SLC14A2: variants seen among roughly 807,000 people sequenced by gnomAD.
SLC14A2 encodes the protein solute carrier family 14 member 2.
In SLC14A2, 91 loss-of-function variants were observed where a neutral mutation model predicts 104.6. That is an observed-to-expected ratio of 0.87 (90% CI 0.73 to 1.04). The LOEUF is 1.04. Ranked by LOEUF, SLC14A2 falls within the 50% of genes least tolerant of loss-of-function variation. The pLI is 0.00. For synonymous variants in SLC14A2, 476 were observed against 466.4 expected (o/e 1.02, Z -0.27); for missense variants, 1,189 against 1,156.0 (o/e 1.03, Z -0.41).
intron 2 of SLC14A2, among the ~76,000 whole-genome samples, chr18:45,578,763 C>T (rs894364059): frequency 1.3e-5 from 2 of 152,342 alleles, no homozygotes; most frequent in Admixed American, 6.5e-5. Flanking sequence ...ATAATTATTA[C>T]TCCTGTCCTT....
At chr18:45,615,923 T>A (rs71356502) in intron 1 of SLC14A2, among the ~76,000 whole-genome samples, 4,624 of 151,978 alleles carry the variant, frequency 0.03, 90 homozygotes, top group Non-Finnish European at 0.046. Flanking sequence ...GAGGTCACCA[T>A]GCTCCTAAGA....
At chr18:45,499,959 G>A (rs1176779484) in intron 2 of SLC14A2, among the ~76,000 whole-genome samples, 1 of 152,198 alleles carries the variant, frequency 6.6e-6, no homozygotes, top group Non-Finnish European at 1.5e-5. Flanking sequence ...AACAGAGTGA[G>A]CCTGCTCTGA....
intron 1 of SLC14A2, among the ~76,000 whole-genome samples, chr18:45,453,978 G>A (rs1050986886): frequency 6.7e-6 from 1 of 149,674 alleles, no homozygotes; most frequent in Non-Finnish European, 1.5e-5. Flanking sequence ...TTCTGCCTCA[G>A]CCTCCCGAGT....
At chr18:45,410,599 T>C (rs2086204649) in intron 1 of SLC14A2, among the ~76,000 whole-genome samples, 1 of 152,188 alleles carries the variant, frequency 6.6e-6, no homozygotes, top group African/African-American at 2.4e-5. Flanking sequence ...TACTTAAGTA[T>C]ACAGGTGTAT....
intron 1 of SLC14A2, among the ~76,000 whole-genome samples, chr18:45,356,807 C>T (rs1242063980): frequency 6.6e-6 from 1 of 152,302 alleles, no homozygotes; most frequent in Non-Finnish European, 1.5e-5. Context: ...GCAATAGTTT[C>T]CTAAATGATT....
chr18:45,250,359 C>T (rs1004308937), intron 1 of SLC14A2, among the ~76,000 whole-genome samples: 3 of 152,084 alleles, frequency 2.0e-5, no homozygotes, highest in East Asian at 1.9e-4. Flanking sequence ...ATTTTAATCT[C>T]GTTTTATTCC....
At chr18:45,242,739 C>T (rs751064974) in intron 1 of SLC14A2, among the ~76,000 whole-genome samples, 5 of 152,198 alleles carry the variant, frequency 3.3e-5, no homozygotes, top group Non-Finnish European at 1.5e-5. Context: ...TAGCCTAAAC[C>T]TGCAGGTTCT....
At chr18:45,458,512 A>G (rs1166871008) in intron 1 of SLC14A2, among the ~76,000 whole-genome samples, 1 of 152,090 alleles carries the variant, frequency 6.6e-6, no homozygotes, top group Non-Finnish European at 1.5e-5. Context: ...CTACTCCCAC[A>G]CTTAAAAGTC....
At chr18:45,348,020 ACATGGTAAG>A (rs2085466545) in intron 1 of SLC14A2, among the ~76,000 whole-genome samples, 1 of 152,236 alleles carries the variant, frequency 6.6e-6, no homozygotes, top group Admixed American at 6.5e-5. Context: ...GGTGGACAGC[ACATGGTAAG>A]CACGAAGTGG....
chr18:45,596,321 G>T (rs1482027679), intron 2 of SLC14A2, among the ~76,000 whole-genome samples: 1 of 152,214 alleles, frequency 6.6e-6, no homozygotes, highest in Non-Finnish European at 1.5e-5. Flanking sequence ...GCTTGAATTT[G>T]GTTAATGGAG....
At chr18:45,189,533 AAGTAGAGT>A in the SLC14A2 span, among the ~76,000 whole-genome samples, 3 of 152,172 alleles carry the variant, frequency 2.0e-5, no homozygotes, top group Admixed American at 1.3e-4. Flanking sequence ...AAGTATGAAA[AAGTAGAGT>A]AGAATGATTG....
At chr18:45,540,840 C>A (rs1396803482) in intron 2 of SLC14A2, among the ~76,000 whole-genome samples, 1 of 152,136 alleles carries the variant, frequency 6.6e-6, no homozygotes, top group Admixed American at 6.5e-5. Flanking sequence ...CTCTTGCCAC[C>A]TGGCACAGGG....
chr18:45,301,565 T>C (rs1462453483), intron 1 of SLC14A2, among the ~76,000 whole-genome samples: 1 of 152,314 alleles, frequency 6.6e-6, no homozygotes, highest in East Asian at 1.9e-4. Context: ...AACTGGTTAT[T>C]GGCATCACAG....
chr18:45,260,942 G>A (rs1165129674), intron 1 of SLC14A2, among the ~76,000 whole-genome samples: 2 of 152,010 alleles, frequency 1.3e-5, no homozygotes, highest in African/African-American at 4.8e-5. Flanking sequence ...TCAGCATCGT[G>A]CAATATACCC....
rs1196862225 is a variant in SLC14A2 at position 45,236,369 on chromosome 18, ATG to A, written c.-125+23182_-125+23183del. ...TATATATACATGTATGTGTGTATAT[ATG>A]TGTATATATACATGTATGTGTGTAT... On this transcript the variant is annotated intron_variant, in intron 1 of 20. Transcript: ENST00000586448. 1.9e-3 allele frequency among the ~76,000 whole-genome samples: 38 copies of A among 19,796 alleles called. 3 individuals are homozygous for A. The highest frequency in any genetic ancestry group is 2.1e-3 in the Non-Finnish European group (28 of 13,274). The allele number at this position is 19,796 out of a possible 152,430, so 13.0% of individuals were successfully genotyped here.
rs142411985 is a variant in SLC14A2, at chr18:45,551,454, T to C, written c.-35+68132T>C. ...TGGAACTCACCAATAAGAAAACAGC[T>C]ACCGCTGTTGGGACAACAGAACTCA... On this transcript the variant is annotated intron_variant, in intron 2 of 20. Coordinates refer to the SLC14A2 transcript ENST00000586448. Among the ~76,000 whole-genome samples the C allele has an allele frequency of 3.2e-3, 484 of 152,344 alleles. 2 individuals are homozygous for C. Among genetic ancestry groups the C allele is most frequent in the Non-Finnish European group, 3.7e-3 (255 of 68,024 alleles).
chr18:45,545,868 CT>C (rs1250636002), intron 2 of SLC14A2, among the ~76,000 whole-genome samples: 1 of 152,146 alleles, frequency 6.6e-6, no homozygotes, highest in East Asian at 1.9e-4. Flanking sequence ...TATATTTTTT[CT>C]TTCAAATTAT....
At chr18:45,622,872 C>A (rs2045197236) in intron 1 of SLC14A2, among the ~76,000 whole-genome samples, 1 of 152,152 alleles carries the variant, frequency 6.6e-6, no homozygotes, top group Non-Finnish European at 1.5e-5. Flanking sequence ...AGGGAAGCAC[C>A]TAGTGTTCAC....
chr18:45,342,333 TAAG>T (rs1378986437), intron 1 of SLC14A2, among the ~76,000 whole-genome samples: 1 of 152,174 alleles, frequency 6.6e-6, no homozygotes, highest in African/African-American at 2.4e-5. Flanking sequence ...ATATGGCAGA[TAAG>T]AAGAAGGGAA....
Sources: allele counts gnomAD v4.1 joint callset (sites outside exome capture counted in the v4.1 genomes callset), GRCh38; gene constraint gnomAD v4.1.1; transcripts MANE v1.5; gene names NCBI Gene and HGNC (gene_info 2026-07-23, HGNC 2026-07-21).